BDH1: variants seen among roughly 807,000 people sequenced by gnomAD.
BDH1 encodes the protein 3-hydroxybutyrate dehydrogenase 1.
A neutral mutation model predicts 33.1 loss-of-function variants in BDH1; 30 were observed. The observed-to-expected ratio is 0.91, with a 90% confidence interval of 0.68 to 1.23. The LOEUF is 1.23. Ranked by LOEUF, BDH1 falls within the 50% of genes most tolerant of loss-of-function variation. The pLI, the probability that BDH1 is intolerant of heterozygous loss-of-function variation, is 0.00. For synonymous variants in BDH1, 190 were observed against 183.6 expected (o/e 1.03, Z -0.28); for missense variants, 443 against 464.4 (o/e 0.95, Z 0.42).
Position 197,510,684 on chromosome 3 carries a change from G to GGTGTGTGTGT in BDH1, c.*1201_*1210dup, listed in dbSNP as rs57389278. The GGTGTGTGTGT allele has an allele frequency of 8.5e-5, 5 of 58,716 alleles. No individual in the cohort carries two copies. Among genetic ancestry groups the GGTGTGTGTGT allele is most frequent in the East Asian group, 8.5e-4 (2 of 2,348 alleles). The allele number at this position is 58,716 out of a possible 1,614,324, so 3.6% of individuals were successfully genotyped here. On this transcript the variant is annotated 3_prime_UTR_variant, in exon 8 of 8. Coordinates refer to ENST00000392379, the MANE Select transcript of BDH1 (RefSeq NM_203314.3). ...TGTGTGTGTGTGTACATGTGTGTAAGGTGTGTGTGTGTGTGTGTGTGTGTG... is the reference window on the plus strand; with the variant it reads ...TGTGTGTGTGTGTACATGTGTGTAAGGTGTGTGTGTGTGTGTGTGTGTGTGTGTGTGTGTG...
At chr3:197,561,756 A>G (rs1717267718) in intron 1 of BDH1, among the ~76,000 whole-genome samples, 1 of 152,142 alleles carries the variant, frequency 6.6e-6, no homozygotes, top group Non-Finnish European at 1.5e-5. Flanking sequence ...TCTGGCCAAA[A>G]TTTCTCACAG....
At chr3:197,557,747 C>T (rs1203684875), upstream of BDH1, among the ~76,000 whole-genome samples, 4 of 152,196 alleles carry the variant, frequency 2.6e-5, no homozygotes, top group African/African-American at 7.2e-5. This position sits in a 1 kb window ranked among gnomAD's most constrained non-coding sequence, Gnocchi z 4.6. Flanking sequence ...ACTGTTGGCT[C>T]TGTCTGTCCA....
At chr3:197,550,621 T>G (rs983877807) in intron 2 of BDH1, among the ~76,000 whole-genome samples, 2 of 152,062 alleles carry the variant, frequency 1.3e-5, no homozygotes, top group Non-Finnish European at 2.9e-5. Context: ...CGCAGGGCCA[T>G]GCAATGGCGC....
rs115021291 is a variant in BDH1, at chr3:197,525,141, C to T, written c.268-2360G>A. Among the ~76,000 whole-genome samples the T allele has an allele frequency of 3.7e-4, 57 of 152,316 alleles. No homozygotes were observed. Among genetic ancestry groups the T allele is most frequent in the Non-Finnish European group, 7.5e-4 (51 of 68,028 alleles). ...CTCCACCAAGAAAGAACTAATGCAT[C>T]TTCAGGTCTAGGGTGTGATGACGTG... On this transcript the variant is annotated intron_variant, in intron 5 of 7. Coordinates refer to ENST00000392379, the MANE Select transcript of BDH1 (RefSeq NM_203314.3). This position sits in a 1 kb window ranked among gnomAD's most constrained non-coding sequence, Gnocchi z 4.9.
chr3:197,518,999 C>A (rs1339264927), intron 6 of BDH1, among the ~76,000 whole-genome samples: 1 of 73,456 alleles, frequency 1.4e-5, no homozygotes. Context: ...TCAGGCCGAC[C>A]CCCCAATCAG....
rs183891102 is a variant in BDH1, at chr3:197,553,511, G to C, written c.-44+1051C>G. Among the ~76,000 whole-genome samples the C allele has an allele frequency of 4.7e-3, 651 of 138,204 alleles. 1 individual carries two copies. Among genetic ancestry groups the C allele is most frequent in the Non-Finnish European group, 6.8e-3 (447 of 65,648 alleles). The allele number at this position is 138,204 out of a possible 152,430, so 90.7% of individuals were successfully genotyped here. Reference sequence around the variant, plus strand: ...GCCACTGCACTCCAGCCTGGCAACAGAGCAAGACTCTGTCTCAAAAAAAAA... The same window carrying C: ...GCCACTGCACTCCAGCCTGGCAACACAGCAAGACTCTGTCTCAAAAAAAAA... On this transcript the variant is annotated intron_variant, in intron 2 of 7. Coordinates refer to ENST00000392379, the MANE Select transcript of BDH1 (RefSeq NM_203314.3).
Position 197,514,308 on chromosome 3 carries a change from A to G in BDH1, c.518T>C (p.Val173Ala). 5.0e-6 allele frequency: 8 copies of G among 1,613,926 alleles called. No individual in the cohort carries two copies. Among genetic ancestry groups the G allele is most frequent in the Non-Finnish European group, 6.8e-6 (8 of 1,179,888 alleles). ...QVAEVNLWGTVRMTKSFLPLI... is the reference protein window; with the variant it reads ...QVAEVNLWGTARMTKSFLPLI... Reference sequence around the variant, plus strand: ...GGGGAGAAAGGATTTCGTCATCCGCACTGTGCCCCAAAGGTTCACTTCTGC... The same window carrying G: ...GGGGAGAAAGGATTTCGTCATCCGCGCTGTGCCCCAAAGGTTCACTTCTGC... The change falls in exon 7 of 8, where the codon GTG (valine) becomes GCG (alanine). Residue 173 changes from valine to alanine, a missense_variant. Transcript: ENST00000392379. The surrounding 1 kb of genome is among the most constrained non-coding windows in gnomAD (Gnocchi z 4.2).
intron 3 of BDH1, 67 bp downstream of exon 3, chr3:197,546,294 A>G: frequency 2.0e-6 from 3 of 1,484,730 alleles, no homozygotes; most frequent in Non-Finnish European, 1.9e-6. Flanking sequence ...TACACTGTCC[A>G]TGTGTGAAAA....
intron 3 of BDH1, among the ~76,000 whole-genome samples, chr3:197,539,933 G>A (rs1232377765): frequency 1.3e-5 from 2 of 152,186 alleles, no homozygotes; most frequent in Non-Finnish European, 2.9e-5. Flanking sequence ...TTTGTCTACT[G>A]CAAGTCCTCT....
In BDH1 at chr3:197,521,625, G is replaced by A. The variant is rs1028437321; in HGVS notation, c.409+1015C>T. The stretch of plus-strand genomic sequence containing the variant: ...GCCTGGACATTCCCTCAGGGTGGGC[G>A]CTTCAGTGTCTCCCTATCTCCCCAC... On this transcript the variant is annotated intron_variant, in intron 6 of 7. Coordinates refer to ENST00000392379, the MANE Select transcript of BDH1 (RefSeq NM_203314.3). The surrounding 1 kb of genome is among the most constrained non-coding windows in gnomAD (Gnocchi z 4.9). 3.5e-4 allele frequency among the ~76,000 whole-genome samples: 54 copies of A among 152,162 alleles called. No homozygotes were observed. The highest frequency in any genetic ancestry group is 1.0e-3 in the African/African-American group (43 of 41,490).
chr3:197,526,505 G>A lies in BDH1; in HGVS notation c.268-3724C>T, dbSNP rs761118989. Among the ~76,000 whole-genome samples, 4 of 152,154 alleles carry A rather than the reference G, an allele frequency of 2.6e-5. No homozygotes were observed. The highest frequency in any genetic ancestry group is 2.9e-5 in the Non-Finnish European group (2 of 68,018). Reference sequence around the variant, plus strand: ...GTGGAGTCTACAAAGATTCTGCCACGGAGACCTCCGACTGCCACTCCAGAC... The same window carrying A: ...GTGGAGTCTACAAAGATTCTGCCACAGAGACCTCCGACTGCCACTCCAGAC... On this transcript the variant is annotated intron_variant, in intron 5 of 7. Transcript: ENST00000392379. This position sits in a 1 kb window ranked among gnomAD's most constrained non-coding sequence, Gnocchi z 4.7.
chr3:197,549,201 C>T (rs912247893), intron 2 of BDH1, among the ~76,000 whole-genome samples: 1 of 152,120 alleles, frequency 6.6e-6, no homozygotes, highest in Non-Finnish European at 1.5e-5. Flanking sequence ...TCCCAGGGAC[C>T]AAACTCATAA....
intron 6 of BDH1, chr3:197,515,741 C>T (rs923006212): frequency 1.1e-6 from 1 of 944,448 alleles, no homozygotes; most frequent in African/African-American, 1.9e-5. Context: ...GAACTCTATC[C>T]TGTAATACAA....
Position 197,547,779 on chromosome 3 carries a change from C to T in BDH1, c.-43-1293G>A, listed in dbSNP as rs1004618206. On this transcript the variant is annotated intron_variant, in intron 2 of 7. Coordinates refer to ENST00000392379, the MANE Select transcript of BDH1 (RefSeq NM_203314.3). ...CCACCCTCCTCTTTGCTCACTGCGT[C>T]GCAGCCACCACTGACTCCAAGAACT... 5.9e-5 allele frequency among the ~76,000 whole-genome samples: 9 copies of T among 152,210 alleles called. 1 individual carries two copies. The highest frequency in any genetic ancestry group is 3.9e-4 in the Admixed American group (6 of 15,278).
chr3:197,561,172 A>G (rs989417655), intron 1 of BDH1, among the ~76,000 whole-genome samples: 2 of 152,050 alleles, frequency 1.3e-5, no homozygotes, highest in African/African-American at 4.8e-5. Flanking sequence ...CTGAGTGGAG[A>G]TGCCCCTGAC....
intron 3 of BDH1, among the ~76,000 whole-genome samples, chr3:197,539,360 G>A (rs979177623): frequency 4.6e-5 from 7 of 152,130 alleles, no homozygotes; most frequent in Non-Finnish European, 8.8e-5. Flanking sequence ...GGCTGGTCTC[G>A]AACTCCTGAC....
Position 197,554,336 on chromosome 3 carries a change from C to G in BDH1, c.-44+226G>C, listed in dbSNP as rs1716817465. Reference sequence around the variant, plus strand: ...ATCCTACCACCAATCCCCACCCGGACTGTGAGCACCCTACAGACAAGACCC... The same window carrying G: ...ATCCTACCACCAATCCCCACCCGGAGTGTGAGCACCCTACAGACAAGACCC... On this transcript the variant is annotated intron_variant, in intron 2 of 7. Coordinates refer to ENST00000392379, the MANE Select transcript of BDH1 (RefSeq NM_203314.3). This position sits in a 1 kb window ranked among gnomAD's most constrained non-coding sequence, Gnocchi z 4.4. 1 of 152,278 alleles carries G rather than the reference C, an allele frequency of 6.6e-6. No homozygotes were observed. Among genetic ancestry groups the G allele is most frequent in the African/African-American group, 2.4e-5 (1 of 41,470 alleles). 9.4% of individuals were successfully genotyped at this position (152,278 alleles called of 1,614,324 possible).
chr3:197,551,481 C>CAT (rs1359556796), intron 2 of BDH1, among the ~76,000 whole-genome samples: 1 of 152,130 alleles, frequency 6.6e-6, no homozygotes, highest in East Asian at 1.9e-4. Context: ...TGCTGATGGA[C>CAT]AGTTAGGTTG....
intron 3 of BDH1, among the ~76,000 whole-genome samples, chr3:197,545,908 G>A (rs183194934): frequency 1.3e-5 from 2 of 152,178 alleles, no homozygotes; most frequent in Admixed American, 6.5e-5. Flanking sequence ...AGGCCAAGGC[G>A]GGTGGATCAC....
Sources: allele counts gnomAD v4.1 joint callset (sites outside exome capture counted in the v4.1 genomes callset), GRCh38; gene constraint gnomAD v4.1.1; non-coding constraint Gnocchi (gnomAD v3.1); transcripts MANE v1.5; gene names NCBI Gene and HGNC (gene_info 2026-07-23, HGNC 2026-07-21).